CNTNAP2: variants seen among roughly 807,000 people sequenced by gnomAD.
CNTNAP2 encodes the protein contactin associated protein 2.
In CNTNAP2, 98 loss-of-function variants were observed where a neutral mutation model predicts 155.2. That is an observed-to-expected ratio of 0.63 (90% confidence interval 0.54 to 0.75). CNTNAP2 has a LOEUF of 0.75. Among genes scored for constraint, CNTNAP2 ranks in the 30% least tolerant of loss-of-function variants. The probability of loss-of-function intolerance (pLI) is 0.00; values close to 1 mark genes in which losing one functional copy is unlikely to be tolerated. For missense variants in CNTNAP2, 1,727 were observed against 1,688.1 expected, an observed-to-expected ratio of 1.02 and a Z score of -0.40; for synonymous variants, 651 against 631.2, an observed-to-expected ratio of 1.03 and a Z score of -0.47.
intron 1 of CNTNAP2, among the ~76,000 whole-genome samples, chr7:146,260,447 A>G (rs1225115679): frequency 1.3e-5 from 2 of 152,232 alleles, no homozygotes; most frequent in African/African-American, 4.8e-5. Flanking sequence ...ATGCCAGCCC[A>G]TGAAAGTAGC....
At chr7:148,008,315 T>A (rs1361489447) in intron 15 of CNTNAP2, among the ~76,000 whole-genome samples, 1 of 152,112 alleles carries the variant, frequency 6.6e-6, no homozygotes, top group Non-Finnish European at 1.5e-5. Flanking sequence ...GAGGTTGCAG[T>A]GAGTGGAGAT....
chr7:146,918,443 T>C (rs1314521179), intron 3 of CNTNAP2, among the ~76,000 whole-genome samples: 11 of 152,206 alleles, frequency 7.2e-5, no homozygotes, highest in Admixed American at 3.9e-4. Context: ...TTATGAAGCT[T>C]AGTTTCACTA....
intron 1 of CNTNAP2, among the ~76,000 whole-genome samples, chr7:146,703,260 C>G (rs1800907456): frequency 6.6e-6 from 1 of 152,100 alleles, no homozygotes; most frequent in Non-Finnish European, 1.5e-5. Flanking sequence ...GGTGAAATAG[C>G]TACAATAGCC....
intron 15 of CNTNAP2, among the ~76,000 whole-genome samples, chr7:148,088,564 T>TA (rs897329377): frequency 2.6e-5 from 4 of 151,614 alleles, no homozygotes; most frequent in Non-Finnish European, 4.4e-5. Flanking sequence ...TTGAATAAGC[T>TA]AAAAAAAGAA....
At chr7:148,310,594 G>A (rs1217910367) in intron 21 of CNTNAP2, among the ~76,000 whole-genome samples, 13 of 152,134 alleles carry the variant, frequency 8.5e-5, no homozygotes, top group Admixed American at 8.5e-4. Flanking sequence ...TGTCATGAGG[G>A]GAACAGGGAG....
At chr7:146,364,670 C>T (rs1022640075) in intron 1 of CNTNAP2, among the ~76,000 whole-genome samples, 3 of 152,008 alleles carry the variant, frequency 2.0e-5, no homozygotes, top group Non-Finnish European at 4.4e-5. Flanking sequence ...CAAGTATATA[C>T]AATTAGTTTA....
chr7:146,817,166 C>T (rs1329586678), intron 2 of CNTNAP2, among the ~76,000 whole-genome samples: 2 of 152,066 alleles, frequency 1.3e-5, no homozygotes, highest in Non-Finnish European at 2.9e-5. Context: ...AGACTGTTCT[C>T]ACACTGCTAT....
At chr7:146,852,931 C>T (rs1046654476) in intron 3 of CNTNAP2, among the ~76,000 whole-genome samples, 16 of 152,112 alleles carry the variant, frequency 1.1e-4, no homozygotes, top group Non-Finnish European at 2.2e-4. Context: ...GTGACTGTCT[C>T]GTTTGTGTAT....
chr7:147,873,596 T>C (rs895204826), intron 13 of CNTNAP2, among the ~76,000 whole-genome samples: 3 of 152,150 alleles, frequency 2.0e-5, no homozygotes, highest in African/African-American at 7.2e-5. Context: ...ATGGGGATTA[T>C]GGGAGCTACA....
At chr7:146,439,230 C>G (rs745349953) in intron 1 of CNTNAP2, among the ~76,000 whole-genome samples, 1 of 151,510 alleles carries the variant, frequency 6.6e-6, no homozygotes, top group Non-Finnish European at 1.5e-5. Context: ...AAAAAACACT[C>G]TCTTCAATTT....
intron 1 of CNTNAP2, among the ~76,000 whole-genome samples, chr7:146,247,727 A>T (rs1799685112): frequency 6.6e-6 from 1 of 152,186 alleles, no homozygotes; most frequent in South Asian, 2.1e-4. Flanking sequence ...GTGGCATTGC[A>T]GAAGAAAATA....
intron 2 of CNTNAP2, among the ~76,000 whole-genome samples, chr7:146,787,056 G>A (rs1380905974): frequency 2.0e-5 from 3 of 152,208 alleles, no homozygotes; most frequent in Admixed American, 6.5e-5. Flanking sequence ...TCTCTAGCCA[G>A]TGTCTGGCAC....
intron 10 of CNTNAP2, among the ~76,000 whole-genome samples, chr7:147,440,716 G>A (rs1307477240): frequency 2.0e-5 from 3 of 152,054 alleles, no homozygotes; most frequent in Non-Finnish European, 4.4e-5. Flanking sequence ...CACGTTCGAA[G>A]GATATTTTCA....
chr7:147,762,040 A>G (rs1797309518), intron 13 of CNTNAP2, among the ~76,000 whole-genome samples: 1 of 152,142 alleles, frequency 6.6e-6, no homozygotes, highest in Non-Finnish European at 1.5e-5. Flanking sequence ...AGACAAAAGT[A>G]AACTTAGAAT....
chr7:147,432,762 C>T (rs947284755), intron 10 of CNTNAP2, among the ~76,000 whole-genome samples: 1 of 152,198 alleles, frequency 6.6e-6, no homozygotes, highest in Non-Finnish European at 1.5e-5. Flanking sequence ...GCCCATTTCA[C>T]TTAACCCCCC....
chr7:147,951,964 A>T (rs1800938433), intron 14 of CNTNAP2, among the ~76,000 whole-genome samples: 1 of 151,938 alleles, frequency 6.6e-6, no homozygotes, highest in Non-Finnish European at 1.5e-5. Context: ...ATGAAAATGA[A>T]AATAAATGTT....
chr7:146,356,822 G>A (rs1052975978), intron 1 of CNTNAP2, among the ~76,000 whole-genome samples: 1 of 151,820 alleles, frequency 6.6e-6, no homozygotes, highest in Non-Finnish European at 1.5e-5. Flanking sequence ...ACACACACAC[G>A]CACTTTCTTT....
rs1053749845 is a variant in CNTNAP2, at chr7:147,755,442, G to A, written c.2098+116136G>A. 1.6e-4 allele frequency among the ~76,000 whole-genome samples: 25 copies of A among 152,302 alleles called. No individual in the cohort carries two copies. In the East Asian group the frequency reaches 2.7e-3, roughly 16 times the overall value. Reference sequence around the variant, plus strand: ...TGCCAAGGCAGGCGGATCACTTGAAGCCAGGAGTTTGAGACCAACCTGCTC... The same window carrying A: ...TGCCAAGGCAGGCGGATCACTTGAAACCAGGAGTTTGAGACCAACCTGCTC... On this transcript the variant is annotated intron_variant, in intron 13 of 23. Transcript: ENST00000361727.
intron 13 of CNTNAP2, among the ~76,000 whole-genome samples, chr7:147,639,984 A>G (rs1795246619): frequency 6.6e-6 from 1 of 152,188 alleles, no homozygotes. Flanking sequence ...TGTTGTCAGA[A>G]AACTGCATCT....
Sources: allele counts gnomAD v4.1 joint callset (sites outside exome capture counted in the v4.1 genomes callset), GRCh38; gene constraint gnomAD v4.1.1; transcripts MANE v1.5; gene names NCBI Gene and HGNC (gene_info 2026-07-23, HGNC 2026-07-21).